The following SLC26A6 variants were observed in gnomAD, a reference collection of about 807,000 sequenced individuals.
SLC26A6 encodes solute carrier family 26 member 6, also known as anion exchange transporter.
SLC26A6 carries 67 observed loss-of-function variants against 87.1 expected under a neutral mutation model. The ratio of observed to expected loss-of-function variants is 0.77; its 90% confidence interval spans 0.63 to 0.94. The LOEUF (loss-of-function observed/expected upper bound fraction) is 0.94. Among genes scored for constraint, SLC26A6 ranks in the 40% least tolerant of loss-of-function variants. The pLI is 0.00. For missense variants in SLC26A6, 902 were observed against 973.0 expected (o/e 0.93, Z 0.97); for synonymous variants, 414 against 405.9 (o/e 1.02, Z -0.24).
chr3:48,634,741 C>T lies in SLC26A6; in HGVS notation c.23+630G>A, dbSNP rs2106680858. ...GGGACAGGAACTCACCTGGGAAGCGCCTCTAACCTGGCTGTACTGTTGGAG... is the reference window on the plus strand; with the variant it reads ...GGGACAGGAACTCACCTGGGAAGCGTCTCTAACCTGGCTGTACTGTTGGAG... On this transcript the variant is annotated intron_variant, in intron 1 of 20. Transcript: ENST00000395550. 2.0e-6 allele frequency: 2 copies of T among 985,436 alleles called. 1 individual carries two copies. Among genetic ancestry groups the T allele is most frequent in the South Asian group, 9.4e-5 (2 of 21,274 alleles). The allele number at this position is 985,436 out of a possible 1,614,324, so 61.0% of individuals were successfully genotyped here.
rs189164775 is a variant in SLC26A6 at position 48,629,892 on chromosome 3, G to A, written c.1509C>T (p.Leu503=). 23 of 1,614,096 alleles carry A rather than the reference G, an allele frequency of 1.4e-5. No homozygotes were observed. In the South Asian group the frequency reaches 1.6e-4, roughly 12 times the overall value. The part of the protein sequence containing the change: ...LVVAVIFSLL[L]VVVRTQMPHY... ...CTCACATCTGTGTCCGGACCACCAC[G>A]AGCAGCAGGGAGAAGATGACCGCAA... The change falls in exon 13 of 21, where the codon CTC becomes CTT. Residue 503 remains leucine, a synonymous_variant. Coordinates refer to ENST00000395550, the MANE Select transcript of SLC26A6 (RefSeq NM_022911.3).
intron 4 of SLC26A6, 33 bp downstream of exon 4, chr3:48,632,941 T>C (rs1168717952): frequency 1.9e-6 from 3 of 1,586,160 alleles, no homozygotes; most frequent in Non-Finnish European, 2.6e-6. Flanking sequence ...GATGTGGGCA[T>C]CCTCCTGGAA....
In SLC26A6 at chr3:48,631,044, T is replaced by C. The variant is rs777472843; in HGVS notation, c.1083A>G (p.Ser361=). The C allele has an allele frequency of 6.2e-7, 1 of 1,613,308 alleles. No individual in the cohort carries two copies. The highest frequency in any genetic ancestry group is 1.1e-5 in the South Asian group (1 of 91,072). ...GCCTCAGGGCGAAGATCTTCCCCAG[T>C]GAGATGGCAATGGCAAACCCAACCA... ...IAVVGFAIAI[S]LGKIFALRHG... Residue 361 remains serine (S), a synonymous_variant, in exon 9 of 21, where the codon TCA becomes TCG. Transcript: ENST00000395550.
chr3:48,626,612 C>T lies in SLC26A6; in HGVS notation c.2128+19G>A, dbSNP rs755690207. ...CTACCCTCTTCCCAGGTCCCTCCTGCTGTTCCCACCCTACTCACTGTGGCA... is the reference window on the plus strand; with the variant it reads ...CTACCCTCTTCCCAGGTCCCTCCTGTTGTTCCCACCCTACTCACTGTGGCA... On this transcript the variant is annotated intron_variant, in intron 19 of 20. Coordinates refer to ENST00000395550, the MANE Select transcript of SLC26A6 (RefSeq NM_022911.3). 2 of 1,614,154 alleles carry T rather than the reference C, an allele frequency of 1.2e-6. No homozygotes were observed. Among genetic ancestry groups the T allele is most frequent in the Non-Finnish European group, 1.7e-6 (2 of 1,180,010 alleles).
Position 48,629,971 on chromosome 3 carries a change from C to T in SLC26A6, c.1430G>A (p.Trp477Ter). 6.2e-7 allele frequency: 1 copy of T among 1,614,072 alleles called. No homozygotes were observed. Residue 477 changes from tryptophan (W) to a stop codon, truncating the protein, a stop_gained, in exon 13 of 21, where the codon TGG (tryptophan) becomes TAG (stop). Transcript: ENST00000395550. LOFTEE classifies it high-confidence loss of function. ...GATGGTGGCCGTGAAGGTCACCAGC[C>T]AGATAAGCTGAGAACAGAGGGCAGC... ...WKANRADLLI[W>*]LVTFTATILL...
At chr3:48,630,970 T>C (rs2106662261) in intron 9 of SLC26A6, 23 bp downstream of exon 9, 2 of 1,613,128 alleles carry the variant, frequency 1.2e-6, no homozygotes, top group East Asian at 4.5e-5. Context: ...GGATGCCTCC[T>C]ACACATCCCG....
At chr3:48,629,849 G>A (rs768169414) in intron 13 of SLC26A6, 23 bp downstream of exon 13, 22 of 1,613,944 alleles carry the variant, frequency 1.4e-5, no homozygotes, top group East Asian at 2.2e-5. Flanking sequence ...GCTGGAATGA[G>A]GGGACCAACA....
At chr3:48,633,427 G>T in intron 2 of SLC26A6, 37 bp from the exon 3 acceptor site, 1 of 1,612,458 alleles carries the variant, frequency 6.2e-7, no homozygotes. Flanking sequence ...GTCAGGAACA[G>T]GGGCTACCTG....
intron 3 of SLC26A6, 80 bp from the exon 4 acceptor site, chr3:48,633,164 C>A: frequency 1.3e-6 from 2 of 1,583,830 alleles, no homozygotes; most frequent in Non-Finnish European, 8.6e-7. Flanking sequence ...GGGTTAGGTG[C>A]CATAGTTCCA....
rs2046703701 is a variant in SLC26A6 at position 48,628,953 on chromosome 3, G to C, written c.1600-239C>G. Reference sequence around the variant, plus strand: ...GCCACCACCCAGGCAGGCTTCACAGGCTCTTAACCTTTCTCTTGGGTTTCC... The same window carrying C: ...GCCACCACCCAGGCAGGCTTCACAGCCTCTTAACCTTTCTCTTGGGTTTCC... On this transcript the variant is annotated intron_variant, in intron 14 of 20. Coordinates refer to ENST00000395550, the MANE Select transcript of SLC26A6 (RefSeq NM_022911.3). The surrounding 1 kb of genome is among the most constrained non-coding windows in gnomAD (Gnocchi z 4.4). Among the ~76,000 whole-genome samples, 1 of 152,062 alleles carries C rather than the reference G, an allele frequency of 6.6e-6. No individual in the cohort carries two copies. Among genetic ancestry groups the C allele is most frequent in the Non-Finnish European group, 1.5e-5 (1 of 67,996 alleles).
At chr3:48,626,387 C>A in intron 19 of SLC26A6, 33 bp from the exon 20 acceptor site, 1 of 1,613,630 alleles carries the variant, frequency 6.2e-7, no homozygotes, top group South Asian at 1.1e-5. Context: ...CCCTGACTCT[C>A]AGAACCTCTA....
intron 6 of SLC26A6, 26 bp downstream of exon 6, chr3:48,631,854 C>G (rs531916582): frequency 1.2e-6 from 2 of 1,613,166 alleles, no homozygotes; most frequent in East Asian, 4.5e-5. Context: ...GCACACCTAC[C>G]CCTCCCTCCC....
In SLC26A6 at chr3:48,632,271, G is replaced by A. The variant is rs2046824824; in HGVS notation, c.559C>T (p.Leu187Phe). The change falls in exon 5 of 21, where the codon CTC becomes TTC. Residue 187 changes from leucine to phenylalanine, a missense_variant. By Grantham distance (22) the Leu-to-Phe change is conservative. Transcript: ENST00000395550. ...DAARVQVAST[L>F]SVLVGLFQVG... is the part of the protein sequence containing the mutation. ...TGGAAGAGGCCAACCAGGACACTGA[G>A]TGTGGAGGCCACCTGTACCCGGGCA... The A allele has an allele frequency of 6.2e-7, 1 of 1,610,610 alleles. No homozygotes were observed. Among genetic ancestry groups the A allele is most frequent in the Non-Finnish European group, 8.5e-7 (1 of 1,178,376 alleles).
Position 48,628,806 on chromosome 3 carries a change from C to T in SLC26A6, c.1600-92G>A, listed in dbSNP as rs1049335363. The T allele has an allele frequency of 9.9e-6, 14 of 1,416,150 alleles. No homozygotes were observed. Among genetic ancestry groups the T allele is most frequent in the Non-Finnish European group, 1.4e-5 (14 of 1,027,200 alleles). The allele number at this position is 1,416,150 out of a possible 1,614,324, so 87.7% of individuals were successfully genotyped here. On this transcript the variant is annotated intron_variant, in intron 14 of 20. Transcript: ENST00000395550. This position sits in a 1 kb window ranked among gnomAD's most constrained non-coding sequence, Gnocchi z 4.4. Reference sequence around the variant, plus strand: ...CTTTCCTTCCCTAGTGTGCCCAGTGCCTGCCACCGCCCAGCCCTCTGCTCC... The same window carrying T: ...CTTTCCTTCCCTAGTGTGCCCAGTGTCTGCCACCGCCCAGCCCTCTGCTCC...
rs759772874 is a variant in SLC26A6, at chr3:48,628,020, C to T, written c.1819G>A (p.Ala607Thr). The T allele has an allele frequency of 1.1e-5, 18 of 1,583,350 alleles. No individual in the cohort carries two copies. The South Asian group carries it at 1.2e-4, about 10-fold the overall frequency. Residue 607 changes from alanine to threonine, a missense_variant, in exon 17 of 21, where the codon GCC (alanine) becomes ACC (threonine). By Grantham distance (58) the Ala-to-Thr change is moderately conservative. This residue lies in a region of SLC26A6 where 800 missense variants were observed against 856.8 expected (regional missense o/e 0.93). Coordinates refer to ENST00000395550, the MANE Select transcript of SLC26A6 (RefSeq NM_022911.3). This position sits in a 1 kb window ranked among gnomAD's most constrained non-coding sequence, Gnocchi z 4.4. ...GTGTTGACATTAATGGAAACTGAGGCGCCCTTGGGGGAGGCAGCCTACACC... is the reference window on the plus strand; with the variant it reads ...GTGTTGACATTAATGGAAACTGAGGTGCCCTTGGGGGAGGCAGCCTACACC... Reference protein sequence around the residue: ...LRKQAASPKGASVSINVNTSL... With the variant: ...LRKQAASPKGTSVSINVNTSL...
intron 19 of SLC26A6, 28 bp from the exon 20 acceptor site, chr3:48,626,382 A>C: frequency 6.2e-7 from 1 of 1,613,550 alleles, no homozygotes; most frequent in East Asian, 2.2e-5. Context: ...GCCTCCCCTG[A>C]CTCTCAGAAC....
chr3:48,628,754 T>C lies in SLC26A6; in HGVS notation c.1600-40A>G. Reference sequence around the variant, plus strand: ...GAACTGGTGGTGGCTGAATCTCCTCTCTCCTGGCTGCATCCTGTTCTCCTG... The same window carrying C: ...GAACTGGTGGTGGCTGAATCTCCTCCCTCCTGGCTGCATCCTGTTCTCCTG... On this transcript the variant is annotated intron_variant, in intron 14 of 20. Coordinates refer to ENST00000395550, the MANE Select transcript of SLC26A6 (RefSeq NM_022911.3). This position sits in a 1 kb window ranked among gnomAD's most constrained non-coding sequence, Gnocchi z 4.4. 1 of 1,596,714 alleles carries C rather than the reference T, an allele frequency of 6.3e-7. No homozygotes were observed. The highest frequency in any genetic ancestry group is 8.5e-7 in the Non-Finnish European group (1 of 1,170,628).
chr3:48,627,920 A>G, intron 17 of SLC26A6, 26 bp downstream of exon 17: 2 of 1,573,972 alleles, frequency 1.3e-6, no homozygotes, highest in Non-Finnish European at 1.7e-6. Context: ...CACAGCTGTC[A>G]CCTCCTTTCC....
chr3:48,626,106 C>T (rs2046613249), intron 20 of SLC26A6, 106 bp from the exon 21 acceptor site: 2 of 1,610,932 alleles, frequency 1.2e-6, no homozygotes, highest in Admixed American at 1.7e-5. Flanking sequence ...AGCACTGGGC[C>T]CACTGGGGAC....
Sources: gnomAD v4.1 joint callset for allele counts (sites outside exome capture counted in the v4.1 genomes callset) on GRCh38, gnomAD v4.1.1 for gene constraint, gnomAD v4.1.1 regional missense constraint, Gnocchi (gnomAD v3.1) non-coding constraint, MANE v1.5 for transcripts, NCBI Gene and HGNC (gene_info 2026-07-23, HGNC 2026-07-21) for gene names.